RARB: variants seen among roughly 807,000 people sequenced by gnomAD.
The protein encoded by RARB is HBV-activated protein.
RARB carries 17 observed loss-of-function variants against 51.9 expected under a neutral mutation model. That is an observed-to-expected ratio of 0.33 (90% CI 0.22 to 0.49). The LOEUF is 0.49. Ranked by LOEUF, RARB falls within the 20% of genes least tolerant of loss-of-function variation. The probability of loss-of-function intolerance (pLI) is 0.99; values close to 1 mark genes in which losing one functional copy is unlikely to be tolerated. For synonymous variants in RARB, 215 were observed against 195.4 expected, an observed-to-expected ratio of 1.10 and a Z score of -0.84; for missense variants, 369 against 550.8, an observed-to-expected ratio of 0.67 and a Z score of 3.30.
chr3:25,161,539 TCTG>T (rs1700473149), intron 4 of RARB, among the ~76,000 whole-genome samples: 1 of 152,116 alleles, frequency 6.6e-6, no homozygotes. Flanking sequence ...TAACGATACT[TCTG>T]CTTCTCCATA....
At chr3:24,942,164 C>T (rs1695681102) in intron 2 of RARB, among the ~76,000 whole-genome samples, 1 of 152,140 alleles carries the variant, frequency 6.6e-6, no homozygotes, top group African/African-American at 2.4e-5. Context: ...GGGACTGAAA[C>T]CAGGTTTCAT....
chr3:25,220,513 A>C (rs1701924251), intron 5 of RARB, among the ~76,000 whole-genome samples: 1 of 152,174 alleles, frequency 6.6e-6, no homozygotes, highest in East Asian at 1.9e-4. Context: ...CCACGTATCA[A>C]GGGAGAGACC....
At chr3:24,971,113 G>C (rs1383388556) in intron 2 of RARB, among the ~76,000 whole-genome samples, 2 of 151,858 alleles carry the variant, frequency 1.3e-5, no homozygotes, top group Non-Finnish European at 2.9e-5. Flanking sequence ...ATCCTAACAG[G>C]TGAGATCATA....
chr3:25,454,239 C>T (rs1694774965), intron 1 of RARB, among the ~76,000 whole-genome samples: 1 of 152,208 alleles, frequency 6.6e-6, no homozygotes, highest in African/African-American at 2.4e-5. Context: ...TGAACTTTGG[C>T]GTTTCCTTTG....
rs78575471 is a variant in RARB, at chr3:25,029,003, G to A, written c.-379-31122G>A. Among the ~76,000 whole-genome samples, 339 of 152,332 alleles carry A rather than the reference G, an allele frequency of 2.2e-3. 1 individual carries two copies. The highest frequency in any genetic ancestry group is 7.6e-3 in the African/African-American group (314 of 41,570). On this transcript the variant is annotated intron_variant, in intron 2 of 11. Coordinates refer to the RARB transcript ENST00000383772. Reference sequence around the variant, plus strand: ...GGAGCCCAGGCGTGTTCTCAACTCTGTGCTAGGGATGGGAGTATTCCTTTC... The same window carrying A: ...GGAGCCCAGGCGTGTTCTCAACTCTATGCTAGGGATGGGAGTATTCCTTTC...
chr3:25,273,163 G>A (rs978935058), intron 5 of RARB, among the ~76,000 whole-genome samples: 13 of 152,180 alleles, frequency 8.5e-5, no homozygotes, highest in Non-Finnish European at 1.2e-4. Flanking sequence ...AGAGTCCAGC[G>A]GAATATTTAG....
At chr3:24,938,300 G>C (rs1222758473) in intron 2 of RARB, among the ~76,000 whole-genome samples, 1 of 152,068 alleles carries the variant, frequency 6.6e-6, no homozygotes, top group African/African-American at 2.4e-5. Context: ...CTCCATGACG[G>C]CCCTAGAGTC....
In RARB at chr3:25,513,661, T is replaced by TACACAC. The variant is rs10525876; in HGVS notation, c.448+12358_448+12363dup. 4.5e-4 allele frequency among the ~76,000 whole-genome samples: 66 copies of TACACAC among 145,196 alleles called. 1 individual carries two copies. The highest frequency in any genetic ancestry group is 1.4e-3 in the African/African-American group (52 of 38,002). ...ACAGAGATTTACTTTCTCTCAAAAC[T>TACACAC]ACACACACACACACACACACACACA... On this transcript the variant is annotated intron_variant, in intron 3 of 7. Coordinates refer to ENST00000330688, the MANE Select transcript of RARB (RefSeq NM_000965.5).
intron 3 of RARB, among the ~76,000 whole-genome samples, chr3:25,061,577 A>G (rs193228919): frequency 1.1e-4 from 16 of 151,936 alleles, no homozygotes; most frequent in Admixed American, 9.9e-4. Flanking sequence ...ATTTGAACAC[A>G]GACAGCTTTC....
intron 4 of RARB, among the ~76,000 whole-genome samples, chr3:25,156,930 T>C (rs73050340): frequency 0.084 from 12,722 of 152,294 alleles, 703 homozygotes; most frequent in Non-Finnish European, 0.13. Flanking sequence ...AGCTGAAATA[T>C]TGGAGCTAGG....
intron 5 of RARB, among the ~76,000 whole-genome samples, chr3:25,218,605 C>T (rs1278401386): frequency 6.6e-6 from 1 of 152,146 alleles, no homozygotes; most frequent in African/African-American, 2.4e-5. Context: ...GAGGAGGACC[C>T]TCAGGAAACA....
At position 25,138,367 on chromosome 3, in the gene RARB, T is replaced by C. The variant is rs549583532; in HGVS notation, c.-280+6159T>C. On this transcript the variant is annotated intron_variant, in intron 4 of 11. Transcript: ENST00000383772. ...TTTTTTTTTGGTAGCCAAAGGAAAATCCTGCCAGGTTCTAGGTTGAACATT... is the reference window on the plus strand; with the variant it reads ...TTTTTTTTTGGTAGCCAAAGGAAAACCCTGCCAGGTTCTAGGTTGAACATT... Among the ~76,000 whole-genome samples, 66 of 148,068 alleles carry C rather than the reference T, an allele frequency of 4.5e-4. No homozygotes were observed. In the South Asian group the frequency reaches 0.013, roughly 29 times the overall value.
intron 5 of RARB, among the ~76,000 whole-genome samples, chr3:25,249,679 T>C (rs1702658152): frequency 6.8e-6 from 1 of 146,720 alleles, no homozygotes; most frequent in Admixed American, 6.8e-5. Context: ...AGTCTCTGTA[T>C]GATTTTTTTT....
chr3:25,492,902 T>G lies in RARB; in HGVS notation c.307-8280T>G, dbSNP rs563681023. On this transcript the variant is annotated intron_variant, in intron 2 of 7. Transcript: ENST00000330688. ...TTAGCAGGCAAGAGGTGCTATAGACTAACAGATCTTATAGAAGCCATGGCT... is the reference window on the plus strand; with the variant it reads ...TTAGCAGGCAAGAGGTGCTATAGACGAACAGATCTTATAGAAGCCATGGCT... Among the ~76,000 whole-genome samples, 308 of 151,748 alleles carry G rather than the reference T, an allele frequency of 2.0e-3. 1 individual carries two copies. The highest frequency in any genetic ancestry group is 7.3e-3 in the African/African-American group (300 of 41,368).
intron 2 of RARB, among the ~76,000 whole-genome samples, chr3:24,925,486 T>A (rs1358949178): frequency 6.6e-6 from 1 of 151,560 alleles, no homozygotes; most frequent in African/African-American, 2.4e-5. Flanking sequence ...CTACAATAAA[T>A]ACAAAATTTA....
intron 4 of RARB, among the ~76,000 whole-genome samples, chr3:25,166,850 A>C (rs17577191): frequency 6.6e-6 from 1 of 152,142 alleles, no homozygotes; most frequent in South Asian, 2.1e-4. Flanking sequence ...CAAGTCATCA[A>C]TGCATTAAGT....
intron 2 of RARB, among the ~76,000 whole-genome samples, chr3:24,916,838 G>A (rs956781811): frequency 1.3e-5 from 2 of 150,034 alleles, no homozygotes; most frequent in African/African-American, 4.9e-5. Flanking sequence ...AAACAGGCCA[G>A]GTGTCCATCA....
At chr3:25,212,573 G>T (rs376580186) in intron 5 of RARB, among the ~76,000 whole-genome samples, 3 of 152,118 alleles carry the variant, frequency 2.0e-5, no homozygotes, top group East Asian at 1.9e-4. Flanking sequence ...AGCTGAGATC[G>T]CACTACTGCA....
chr3:25,450,689 G>C (rs1298679664), intron 1 of RARB, among the ~76,000 whole-genome samples: 1 of 152,126 alleles, frequency 6.6e-6, no homozygotes, highest in Non-Finnish European at 1.5e-5. Context: ...AGCATCCCTG[G>C]CCTCTACCTA....
Sources: gnomAD v4.1 joint callset for allele counts (sites outside exome capture counted in the v4.1 genomes callset) on GRCh38, gnomAD v4.1.1 for gene constraint, MANE v1.5 for transcripts, NCBI Gene and HGNC (gene_info 2026-07-23, HGNC 2026-07-21) for gene names.